Variants in TOR3A observed in about 807,000 individuals in gnomAD.
The protein encoded by TOR3A is torsin-3A.
TOR3A carries 44 observed loss-of-function variants against 42.1 expected under a neutral mutation model. The observed-to-expected ratio is 1.04, with a 90% CI of 0.82 to 1.34. The LOEUF (loss-of-function observed/expected upper bound fraction) is 1.34. Among genes scored for constraint, TOR3A ranks in the 40% most tolerant of loss-of-function variants. TOR3A has a pLI of 0.00. For synonymous variants in TOR3A, 227 were observed against 213.2 expected (o/e 1.06, Z -0.57); for missense variants, 521 against 507.6 (o/e 1.03, Z -0.25).
chr1:179,087,333 G>T (rs1377660148), intron 3 of TOR3A, among the ~76,000 whole-genome samples: 1 of 152,184 alleles, frequency 6.6e-6, no homozygotes, highest in Non-Finnish European at 1.5e-5. Flanking sequence ...TGAGATCTCG[G>T]CCCAGCCAGG....
chr1:179,083,478 C>T (rs1395657991), intron 2 of TOR3A, among the ~76,000 whole-genome samples: 8 of 151,212 alleles, frequency 5.3e-5, no homozygotes, highest in Non-Finnish European at 1.2e-4. Flanking sequence ...CTGCACCCTC[C>T]GCCTCCTGGG....
chr1:179,090,699 T>C (rs1383935799), intron 4 of TOR3A, among the ~76,000 whole-genome samples: 1 of 152,058 alleles, frequency 6.6e-6, no homozygotes, highest in South Asian at 2.1e-4. Flanking sequence ...GGCCAGGGAA[T>C]TGGGGCCGGT....
chr1:179,094,105 C>T lies in TOR3A; in HGVS notation c.831C>T (p.Gly277=), dbSNP rs373200643. 1.8e-5 allele frequency: 29 copies of T among 1,613,018 alleles called. No individual in the cohort carries two copies. Among genetic ancestry groups the T allele is most frequent in the South Asian group, 1.5e-4 (14 of 90,934 alleles). ...TIFLFLSNLR[G]DIINEVVLKL... Reference sequence around the variant, plus strand: ...TTGTCTCTTTCAGTAATCTCAGGGGCGATATAATCAATGAGGTGGTCCTAA... The same window carrying T: ...TTGTCTCTTTCAGTAATCTCAGGGGTGATATAATCAATGAGGTGGTCCTAA... The change falls in exon 5 of 6, where the codon GGC becomes GGT. Residue 277 remains glycine (G), a synonymous_variant. Coordinates refer to ENST00000367627, the MANE Select transcript of TOR3A (RefSeq NM_022371.4).
chr1:179,093,814 CAT>C lies in TOR3A; in HGVS notation c.819-276_819-275del, dbSNP rs1196795707. 6.6e-5 allele frequency among the ~76,000 whole-genome samples: 10 copies of C among 152,280 alleles called. No homozygotes were observed. The South Asian group carries it at 1.7e-3, about 25-fold the overall frequency. On this transcript the variant is annotated intron_variant, in intron 4 of 5. Transcript: ENST00000367627. ...TGCCCCTCAGACCACACAGAAGAAC[CAT>C]ATCTTACCATCTTTTCATGCTCCCT...
intron 1 of TOR3A, 60 bp from the exon 2 acceptor site, chr1:179,082,880 C>T: frequency 8.7e-7 from 1 of 1,153,904 alleles, no homozygotes; most frequent in Non-Finnish European, 1.3e-6. Flanking sequence ...GGCAAGGTTG[C>T]CGCATCACTG....
Position 179,085,739 on chromosome 1 carries a change from C to T in TOR3A, c.485C>T (p.Ala162Val). ...LETPQPEKAL[A>V]LSFHGWSGTG... The stretch of plus-strand genomic sequence containing the variant: ...ACGCCCCAGCCAGAAAAGGCCCTTG[C>T]TCTGTCGTTCCACGGCTGGTCTGGC... The change falls in exon 3 of 6, where the codon GCT (alanine) becomes GTT (valine). Residue 162 changes from alanine (A) to valine (V), a missense_variant. Physicochemically the swap from Ala to Val is moderately conservative, Grantham distance 64. Transcript: ENST00000367627. The T allele has an allele frequency of 6.2e-7, 1 of 1,614,222 alleles. No homozygotes were observed. Among genetic ancestry groups the T allele is most frequent in the Non-Finnish European group, 8.5e-7 (1 of 1,180,046 alleles).
chr1:179,095,418 TC>T lies in TOR3A; in HGVS notation c.*203del. ...CAATCCTTTTTCTTTTTTTTGGAGG[TC>T]CCACCGAGATAGATAGGAACTTGGA... is the stretch of plus-strand genomic sequence containing the variant. On this transcript the variant is annotated 3_prime_UTR_variant, in exon 6 of 6. Transcript: ENST00000367627. 3.1e-6 allele frequency: 4 copies of T among 1,307,894 alleles called. No individual in the cohort carries two copies. The highest frequency in any genetic ancestry group is 3.9e-6 in the Non-Finnish European group (4 of 1,029,122). The allele number at this position is 1,307,894 out of a possible 1,614,324, so 81.0% of individuals were successfully genotyped here.
chr1:179,095,414 G>A lies in TOR3A; in HGVS notation c.*196G>A. On this transcript the variant is annotated 3_prime_UTR_variant, in exon 6 of 6. Transcript: ENST00000367627. ...AAGCCAATCCTTTTTCTTTTTTTTG[G>A]AGGTCCCACCGAGATAGATAGGAAC... The A allele has an allele frequency of 7.5e-7, 1 of 1,331,026 alleles. No individual in the cohort carries two copies. The highest frequency in any genetic ancestry group is 9.6e-7 in the Non-Finnish European group (1 of 1,043,876). 82.5% of individuals were successfully genotyped at this position (1,331,026 alleles called of 1,614,324 possible). A position where few individuals can be genotyped will look rare whatever the true frequency, so the allele number is the denominator to read the frequency against.
At chr1:179,089,102 C>T (rs1270036076) in intron 4 of TOR3A, among the ~76,000 whole-genome samples, 7 of 152,006 alleles carry the variant, frequency 4.6e-5, no homozygotes, top group African/African-American at 9.7e-5. Flanking sequence ...GATCTAGTTT[C>T]GGTGTGGATT....
intron 4 of TOR3A, 121 bp downstream of exon 4, chr1:179,088,210 T>A: frequency 8.9e-7 from 1 of 1,126,920 alleles, no homozygotes; most frequent in Non-Finnish European, 1.2e-6. Flanking sequence ...GCACAAACTC[T>A]GGTACAGAAA....
At position 179,082,127 on chromosome 1, in the gene TOR3A, C is replaced by A; in HGVS notation, c.-2C>A. The A allele has an allele frequency of 1.3e-6, 2 of 1,492,016 alleles. No homozygotes were observed. The highest frequency in any genetic ancestry group is 8.8e-7 in the Non-Finnish European group (1 of 1,131,924). 92.4% of individuals were successfully genotyped at this position (1,492,016 alleles called of 1,614,324 possible). On this transcript the variant is annotated 5_prime_UTR_variant, in exon 1 of 6. Transcript: ENST00000367627. ...GGATGGTCCCGCAGCTCGGGGCCGGCCATGCTTCGCGGTCCGTGGCGCCAG... is the reference window on the plus strand; with the variant it reads ...GGATGGTCCCGCAGCTCGGGGCCGGACATGCTTCGCGGTCCGTGGCGCCAG...
chr1:179,083,592 G>A (rs867080794), intron 2 of TOR3A, among the ~76,000 whole-genome samples: 3 of 117,126 alleles, frequency 2.6e-5, no homozygotes, highest in Non-Finnish European at 3.9e-5. Flanking sequence ...GGGGGGGGGG[G>A]GGGGGGGCGG....
At chr1:179,083,589 GGGGGGGGGGGC>G (rs1166919679) in intron 2 of TOR3A, among the ~76,000 whole-genome samples, 2 of 3,984 alleles carry the variant, frequency 5.0e-4, no homozygotes, top group African/African-American at 3.1e-3. Context: ...GGCGGGGGGG[GGGGGGGGGGGC>G]GGGTTTCACC....
chr1:179,090,110 G>A (rs1310247404), intron 4 of TOR3A, among the ~76,000 whole-genome samples: 1 of 134,106 alleles, frequency 7.5e-6, no homozygotes, highest in Non-Finnish European at 1.6e-5. Context: ...TGTGGGCGGG[G>A]TGGGGGGGGG....
intron 2 of TOR3A, among the ~76,000 whole-genome samples, chr1:179,084,638 T>C (rs1397244067): frequency 6.6e-6 from 1 of 152,204 alleles, no homozygotes; most frequent in Admixed American, 6.5e-5. Context: ...AAATGTTAAT[T>C]TTCTTCTATG....
Position 179,082,303 on chromosome 1 carries a change from T to C in TOR3A, c.175T>C (p.Ser59Pro). 2 of 1,592,180 alleles carry C rather than the reference T, an allele frequency of 1.3e-6. No individual in the cohort carries two copies. The highest frequency in any genetic ancestry group is 4.7e-5 in the East Asian group (2 of 42,290). Residue 59 changes from serine to proline, a missense_variant, in exon 1 of 6, where the codon TCC becomes CCC. Transcript: ENST00000367627. ...QEQLRAAGAL[S>P]KRYWTLFSCQ... ...GCAGCTCAGGGCGGCGGGTGCCCTC[T>C]CCAAGCGGTACTGGACGCTCTTCAG...
Position 179,082,295 on chromosome 1 carries a change from G to A in TOR3A, c.167G>A (p.Gly56Asp), listed in dbSNP as rs777640568. The A allele has an allele frequency of 2.5e-6, 4 of 1,586,522 alleles. No homozygotes were observed. The highest frequency in any genetic ancestry group is 1.4e-5 in the African/African-American group (1 of 71,722). ...QRLQEQLRAA[G>D]ALSKRYWTLF... ...CTGCAGGAGCAGCTCAGGGCGGCGG[G>A]TGCCCTCTCCAAGCGGTACTGGACG... Residue 56 changes from glycine to aspartate, a missense_variant, in exon 1 of 6, where the codon GGT (glycine) becomes GAT (aspartate). Transcript: ENST00000367627.
chr1:179,087,583 G>A (rs61823798), intron 3 of TOR3A, among the ~76,000 whole-genome samples: 2 of 152,086 alleles, frequency 1.3e-5, no homozygotes, highest in Admixed American at 1.3e-4. Context: ...TCCTGGAGAG[G>A]AGAGAGCAGG....
At chr1:179,086,461 T>C (rs1652436205) in intron 3 of TOR3A, among the ~76,000 whole-genome samples, 1 of 152,146 alleles carries the variant, frequency 6.6e-6, no homozygotes, top group African/African-American at 2.4e-5. Flanking sequence ...GGTCAGGAGA[T>C]CGAGACCATC....
Sources: gnomAD v4.1 joint callset for allele counts (sites outside exome capture counted in the v4.1 genomes callset) on GRCh38, gnomAD v4.1.1 for gene constraint, MANE v1.5 for transcripts, NCBI Gene and HGNC (gene_info 2026-07-23, HGNC 2026-07-21) for gene names.